PTPRJ: variants seen among roughly 807,000 people sequenced by gnomAD.
The protein encoded by PTPRJ is protein tyrosine phosphatase receptor type J, also known as receptor-type tyrosine-protein phosphatase eta.
Under a neutral mutation model 141.3 loss-of-function variants are expected in PTPRJ, and 129 were observed. The ratio of observed to expected loss-of-function variants is 0.91; its 90% CI spans 0.79 to 1.06. The LOEUF (loss-of-function observed/expected upper bound fraction) is 1.06, where lower values mean the gene tolerates loss of function less well. Ranked by LOEUF, PTPRJ falls within the 50% of genes least tolerant of loss-of-function variation. The pLI is 0.00. For synonymous variants in PTPRJ, 610 were observed against 640.5 expected (o/e 0.95, Z 0.72); for missense variants, 1,601 against 1,679.7 (o/e 0.95, Z 0.82).
chr11:48,123,658 G>C lies in PTPRJ; in HGVS notation c.662G>C (p.Arg221Thr), dbSNP rs754518878. 2 of 1,614,186 alleles carry C rather than the reference G, an allele frequency of 1.2e-6. No homozygotes were observed. The highest frequency in any genetic ancestry group is 2.2e-5 in the East Asian group (1 of 44,880). Residue 221 changes from arginine (R) to threonine (T), a missense_variant, in exon 5 of 25, where the codon AGG becomes ACG. Coordinates refer to ENST00000418331, the MANE Select transcript of PTPRJ (RefSeq NM_002843.4). ...CTCCGTGTTGCCCTCACGGGTGTGA[G>C]GAAGGCTGCTCTCTCCTGGAGCAAT... is the stretch of plus-strand genomic sequence containing the variant. ...SDLRVALTGV[R>T]KAALSWSNGN... is the part of the protein sequence containing the mutation.
At chr11:48,011,769 C>T (rs898615559) in intron 1 of PTPRJ, among the ~76,000 whole-genome samples, 10 of 152,126 alleles carry the variant, frequency 6.6e-5, no homozygotes, top group Admixed American at 1.3e-4. Flanking sequence ...TTAAGTGATC[C>T]TCCCACCTCA....
At chr11:48,070,228 C>T (rs545969228) in intron 1 of PTPRJ, among the ~76,000 whole-genome samples, 28 of 152,238 alleles carry the variant, frequency 1.8e-4, no homozygotes, top group South Asian at 1.5e-3. Context: ...GGGCTGGGCG[C>T]GGTGGCTCAT....
intron 7 of PTPRJ, among the ~76,000 whole-genome samples, chr11:48,129,514 C>G (rs1856921080): frequency 6.6e-6 from 1 of 152,160 alleles, no homozygotes; most frequent in East Asian, 1.9e-4. Context: ...AAGACAGCCA[C>G]ATTCTGAGGT....
At chr11:47,981,447 G>C (rs1853905113) in intron 1 of PTPRJ, among the ~76,000 whole-genome samples, 1 of 152,172 alleles carries the variant, frequency 6.6e-6, no homozygotes, top group Non-Finnish European at 1.5e-5. Flanking sequence ...CGGCCTGCAG[G>C]GGCCCGAGGG....
chr11:48,149,863 C>T (rs144419337), intron 16 of PTPRJ, 127 bp from the exon 17 acceptor site: 156 of 677,618 alleles, frequency 2.3e-4, no homozygotes, highest in Non-Finnish European at 3.4e-4. Flanking sequence ...AATAATAGTA[C>T]TCTGACCCCC....
intron 12 of PTPRJ, 121 bp from the exon 13 acceptor site, chr11:48,144,554 A>G (rs1395948548): frequency 9.2e-6 from 7 of 763,578 alleles, no homozygotes; most frequent in Non-Finnish European, 1.5e-5. Context: ...TGGCACAGAG[A>G]GATACTTGAG....
rs746301402 is a variant in PTPRJ at position 48,125,065 on chromosome 11, G to A, written c.972G>A (p.Gln324=). 1.7e-5 allele frequency: 27 copies of A among 1,613,990 alleles called. No homozygotes were observed. In the East Asian group the frequency reaches 5.6e-4, roughly 33 times the overall value. The stretch of plus-strand genomic sequence containing the variant: ...CTGTGGACCCATCCTCCGGCCAGCA[G>A]TCCCGAGACACGGAAGTCCTGCTTG... ...VGPVDPSSGQ[Q]SRDTEVLLVG... The change falls in exon 6 of 25, where the codon CAG becomes CAA. Residue 324 remains glutamine (Q), a synonymous_variant. Coordinates refer to ENST00000418331, the MANE Select transcript of PTPRJ (RefSeq NM_002843.4).
intron 1 of PTPRJ, among the ~76,000 whole-genome samples, chr11:48,101,019 C>T (rs1179782800): frequency 2.0e-5 from 3 of 152,098 alleles, no homozygotes; most frequent in Admixed American, 6.5e-5. Context: ...GGGTAAGGGG[C>T]TTTCTCAGGT....
chr11:48,132,796 T>C lies in PTPRJ; in HGVS notation c.1615+2080T>C. ...CTCCTTGAAGAAGCTTCTTCAACTG[T>C]GCTGGTTGGGTTAAGCACCGATAGT... is the stretch of plus-strand genomic sequence containing the variant. On this transcript the variant is annotated intron_variant, in intron 8 of 24. Transcript: ENST00000418331. The C allele has an allele frequency of 3.3e-6, 3 of 915,538 alleles. No homozygotes were observed. In the South Asian group the frequency reaches 1.5e-4, roughly 46 times the overall value. The allele number at this position is 915,538 out of a possible 1,614,324, so 56.7% of individuals were successfully genotyped here.
chr11:48,052,398 G>C (rs1046460565), intron 1 of PTPRJ, among the ~76,000 whole-genome samples: 1 of 152,190 alleles, frequency 6.6e-6, no homozygotes, highest in Non-Finnish European at 1.5e-5. Flanking sequence ...GGAGATCCTG[G>C]ACATCCTCTG....
intron 19 of PTPRJ, among the ~76,000 whole-genome samples, chr11:48,154,577 A>G (rs1451276191): frequency 6.6e-6 from 1 of 152,202 alleles, no homozygotes; most frequent in Non-Finnish European, 1.5e-5. Context: ...GCATAAGCAG[A>G]TTGTAGCCAT....
rs371001978 is a variant in PTPRJ, at chr11:48,126,813, C to A, written c.1094-967C>A. Among the ~76,000 whole-genome samples, 44 of 137,046 alleles carry A rather than the reference C, an allele frequency of 3.2e-4. No homozygotes were observed. In the South Asian group the frequency reaches 6.6e-3, roughly 20 times the overall value. The allele number at this position is 137,046 out of a possible 152,430, so 89.9% of individuals were successfully genotyped here. On this transcript the variant is annotated intron_variant, in intron 6 of 24. Transcript: ENST00000418331. ...ACACACACACACACACACACACACA[C>A]ACACACAGATAAACACACATTTCCA...
At chr11:48,000,711 G>T (rs963983211) in intron 1 of PTPRJ, among the ~76,000 whole-genome samples, 1 of 151,434 alleles carries the variant, frequency 6.6e-6, no homozygotes, top group Non-Finnish European at 1.5e-5. Flanking sequence ...TATCCTCCTC[G>T]CTCCTTCTTA....
intron 1 of PTPRJ, among the ~76,000 whole-genome samples, chr11:47,994,693 TAAAA>T (rs898358402): frequency 7.2e-4 from 109 of 151,636 alleles, no homozygotes; most frequent in African/African-American, 2.6e-3. Flanking sequence ...ATAAATAAAA[TAAAA>T]AAACAATTGA....
intron 1 of PTPRJ, among the ~76,000 whole-genome samples, chr11:48,038,499 C>T (rs545135682): frequency 1.4e-3 from 214 of 148,888 alleles, no homozygotes; most frequent in Middle Eastern, 7.0e-3. Flanking sequence ...AGTAGCCATT[C>T]TTTTTTTTTT....
chr11:48,053,224 ATATAT>A (rs1317164725), intron 1 of PTPRJ, among the ~76,000 whole-genome samples: 66 of 88,182 alleles, frequency 7.5e-4, no homozygotes, highest in African/African-American at 2.7e-3. Flanking sequence ...AATATATTAA[ATATAT>A]TATATATAAT....
At chr11:48,023,480 C>A (rs1281405198) in intron 1 of PTPRJ, among the ~76,000 whole-genome samples, 1 of 152,062 alleles carries the variant, frequency 6.6e-6, no homozygotes, top group Non-Finnish European at 1.5e-5. Flanking sequence ...GAACTTCATT[C>A]TTATTAAAGT....
chr11:48,075,713 G>A (rs1259621906), intron 1 of PTPRJ, among the ~76,000 whole-genome samples: 1 of 152,120 alleles, frequency 6.6e-6, no homozygotes, highest in African/African-American at 2.4e-5. Flanking sequence ...GATTACAGGC[G>A]TGGGCCACCA....
intron 1 of PTPRJ, among the ~76,000 whole-genome samples, chr11:48,043,431 G>A (rs1488466853): frequency 6.6e-6 from 1 of 152,104 alleles, no homozygotes; most frequent in Non-Finnish European, 1.5e-5. Flanking sequence ...CCTCAGGCCA[G>A]GAAGACCTAG....
Sources: allele counts gnomAD v4.1 joint callset (sites outside exome capture counted in the v4.1 genomes callset), GRCh38; gene constraint gnomAD v4.1.1; transcripts MANE v1.5; gene names NCBI Gene and HGNC (gene_info 2026-07-23, HGNC 2026-07-21).